The following DCC variants were observed in gnomAD, a reference collection of about 807,000 sequenced individuals.
DCC encodes netrin receptor DCC.
In DCC, 58 loss-of-function variants were observed where a neutral mutation model predicts 172.5. The observed-to-expected ratio is 0.34, with a 90% CI of 0.27 to 0.42. The LOEUF (loss-of-function observed/expected upper bound fraction) is 0.42. DCC is among the 10% of genes least tolerant of loss of function. The pLI is 1.00. For missense variants in DCC, 1,740 were observed against 1,791.0 expected (o/e 0.97, Z 0.51); for synonymous variants, 709 against 644.5 (o/e 1.10, Z -1.52).
chr18:53,290,322 G>A (rs1020966303), intron 12 of DCC, among the ~76,000 whole-genome samples: 1 of 152,154 alleles, frequency 6.6e-6, no homozygotes, highest in African/African-American at 2.4e-5. Context: ...CATGAGTTAT[G>A]TGAATCTGAT....
chr18:53,162,941 C>G (rs1329884274), intron 8 of DCC, among the ~76,000 whole-genome samples: 1 of 152,194 alleles, frequency 6.6e-6, no homozygotes, highest in Admixed American at 6.5e-5. Flanking sequence ...ATTATAGATA[C>G]TCACTAAATA....
chr18:53,405,336 A>G (rs995154296), intron 19 of DCC, among the ~76,000 whole-genome samples: 3 of 152,174 alleles, frequency 2.0e-5, no homozygotes, highest in Non-Finnish European at 4.4e-5. Context: ...AGGATAGTTA[A>G]GAACTCAGGC....
At chr18:52,366,946 G>T (rs1393427591) in intron 1 of DCC, among the ~76,000 whole-genome samples, 2 of 152,250 alleles carry the variant, frequency 1.3e-5, no homozygotes, top group African/African-American at 4.8e-5. Flanking sequence ...GGGCGCCGTG[G>T]AGCAGGGGGT....
At chr18:53,156,513 C>T (rs992366715) in intron 7 of DCC, among the ~76,000 whole-genome samples, 1 of 150,810 alleles carries the variant, frequency 6.6e-6, no homozygotes, top group Admixed American at 6.6e-5. Context: ...GAATCAACTT[C>T]GTTACCATTT....
chr18:52,900,772 C>G (rs919297565), intron 2 of DCC, among the ~76,000 whole-genome samples: 6 of 152,240 alleles, frequency 3.9e-5, no homozygotes, highest in Non-Finnish European at 5.9e-5. Context: ...ACCAGGTGTT[C>G]CTGTATTTAA....
chr18:53,268,076 T>G (rs2056703275), intron 12 of DCC, among the ~76,000 whole-genome samples: 1 of 152,176 alleles, frequency 6.6e-6, no homozygotes, highest in South Asian at 2.1e-4. Context: ...TCTGAAATAT[T>G]TGATTTCCAC....
At position 53,378,321 on chromosome 18, in the gene DCC, T is replaced by G. The variant is rs572022317; in HGVS notation, c.2360-7722T>G. Among the ~76,000 whole-genome samples, 26 of 152,282 alleles carry G rather than the reference T, an allele frequency of 1.7e-4. No individual in the cohort carries two copies. The East Asian group carries it at 2.9e-3, about 17-fold the overall frequency. On this transcript the variant is annotated intron_variant, in intron 15 of 28. Coordinates refer to ENST00000442544, the MANE Select transcript of DCC (RefSeq NM_005215.4). Reference sequence around the variant, plus strand: ...GTTCATTAGGGAAAATAATGGTTTTTGTTTTTGTTTTTTAATCTTTATGTA... The same window carrying G: ...GTTCATTAGGGAAAATAATGGTTTTGGTTTTTGTTTTTTAATCTTTATGTA...
intron 5 of DCC, among the ~76,000 whole-genome samples, chr18:52,985,746 T>C (rs2041283382): frequency 6.6e-6 from 1 of 152,118 alleles, no homozygotes; most frequent in Non-Finnish European, 1.5e-5. Flanking sequence ...AATCTTTTCT[T>C]ATTGTTTCTA....
rs1355037599 is a variant in DCC at position 52,547,727 on chromosome 18, G to A, written c.92-204327G>A. ...AAATGAAAAGAGGGGGCATGTTAAG[G>A]TGAAGGAACAGCATGAGCAAAGGAA... On this transcript the variant is annotated intron_variant, in intron 1 of 28. Transcript: ENST00000442544. Among the ~76,000 whole-genome samples the A allele has an allele frequency of 2.6e-5, 4 of 152,144 alleles. No individual in the cohort carries two copies. In the East Asian group the frequency reaches 7.7e-4, roughly 29 times the overall value.
At chr18:53,347,643 T>A (rs1388531811) in intron 15 of DCC, among the ~76,000 whole-genome samples, 1 of 152,188 alleles carries the variant, frequency 6.6e-6, no homozygotes, top group Admixed American at 6.5e-5. Flanking sequence ...ATTAGTCTGT[T>A]TTCATGCTGC....
chr18:53,305,761 T>A (rs1160976569), intron 13 of DCC, 42 bp downstream of exon 13: 16 of 1,594,038 alleles, frequency 1.0e-5, no homozygotes, highest in Non-Finnish European at 1.3e-5. Context: ...TTTTGATGAA[T>A]TAAATGCTTT....
intron 1 of DCC, among the ~76,000 whole-genome samples, chr18:52,678,004 G>T (rs77074349): frequency 6.6e-6 from 1 of 152,162 alleles, no homozygotes; most frequent in Admixed American, 6.6e-5. Flanking sequence ...TACTTATTGC[G>T]TGTATTACCT....
chr18:52,921,851 G>A (rs2040131403), intron 3 of DCC, among the ~76,000 whole-genome samples: 1 of 151,616 alleles, frequency 6.6e-6, no homozygotes, highest in South Asian at 2.1e-4. Context: ...TTTTTCACAG[G>A]GGATATTGTA....
intron 7 of DCC, among the ~76,000 whole-genome samples, chr18:53,107,344 T>C (rs1310130896): frequency 6.6e-6 from 1 of 151,850 alleles, no homozygotes; most frequent in African/African-American, 2.4e-5. Flanking sequence ...TAGATCCTTC[T>C]ATTACCCTTC....
At chr18:52,970,868 C>T (rs1314189493) in intron 5 of DCC, among the ~76,000 whole-genome samples, 2 of 152,134 alleles carry the variant, frequency 1.3e-5, no homozygotes, top group Admixed American at 1.3e-4. Flanking sequence ...CAGCAGCACA[C>T]CGCTGTGCAG....
chr18:52,653,853 G>A lies in DCC; in HGVS notation c.92-98201G>A, dbSNP rs138333828. Among the ~76,000 whole-genome samples, 221 of 152,166 alleles carry A rather than the reference G, an allele frequency of 1.5e-3. 6 individuals are homozygous for A. The East Asian group carries it at 0.038, about 26-fold the overall frequency. Reference sequence around the variant, plus strand: ...TTTGCTTCACTTTTGTTGCCCAGTGGACCATATGCAGTAGTGAGTTTTAAT... The same window carrying A: ...TTTGCTTCACTTTTGTTGCCCAGTGAACCATATGCAGTAGTGAGTTTTAAT... On this transcript the variant is annotated intron_variant, in intron 1 of 28. Transcript: ENST00000442544.
intron 15 of DCC, among the ~76,000 whole-genome samples, chr18:53,356,563 A>T (rs2057880329): frequency 6.6e-6 from 1 of 152,150 alleles, no homozygotes; most frequent in Admixed American, 6.6e-5. Flanking sequence ...CCACCTGAGT[A>T]CCCAAATTTC....
intron 1 of DCC, among the ~76,000 whole-genome samples, chr18:52,621,940 G>A (rs2034488565): frequency 6.6e-6 from 1 of 152,088 alleles, no homozygotes; most frequent in South Asian, 2.1e-4. Flanking sequence ...GACTTAGAGT[G>A]AAATATACCT....
At chr18:52,775,061 G>T (rs549480630) in intron 2 of DCC, among the ~76,000 whole-genome samples, 18 of 152,296 alleles carry the variant, frequency 1.2e-4, no homozygotes, top group African/African-American at 3.8e-4. Context: ...AGCAGGAAAA[G>T]GTGGCAGGGT....
Sources: allele counts gnomAD v4.1 joint callset (sites outside exome capture counted in the v4.1 genomes callset), GRCh38; gene constraint gnomAD v4.1.1; transcripts MANE v1.5; gene names NCBI Gene and HGNC (gene_info 2026-07-23, HGNC 2026-07-21).